Variants in SLIT3 observed in about 807,000 individuals in gnomAD.
SLIT3 encodes slit homolog 3 protein.
Under a neutral mutation model 184.0 loss-of-function variants are expected in SLIT3, and 68 were observed. The ratio of observed to expected loss-of-function variants is 0.37; its 90% CI spans 0.30 to 0.45. The LOEUF (loss-of-function observed/expected upper bound fraction) is 0.45, where lower values mean the gene tolerates loss of function less well. Ranked by LOEUF, SLIT3 falls within the 20% of genes least tolerant of loss-of-function variation. The pLI is 1.00. For missense variants in SLIT3, 1,707 were observed against 2,026.0 expected (o/e 0.84, Z 3.02); for synonymous variants, 831 against 828.6 (o/e 1.00, Z -0.05).
intron 14 of SLIT3, chr5:168,772,376 C>G: frequency 4.9e-6 from 1 of 204,758 alleles, no homozygotes. Flanking sequence ...CGTCTGTAGC[C>G]TCGCCTGAGC....
intron 4 of SLIT3, among the ~76,000 whole-genome samples, chr5:168,895,474 G>A (rs1487067290): frequency 1.3e-5 from 2 of 152,098 alleles, no homozygotes; most frequent in Non-Finnish European, 2.9e-5. Flanking sequence ...TGCTATCCTG[G>A]GGCCATCTGC....
intron 1 of SLIT3, among the ~76,000 whole-genome samples, chr5:169,270,015 A>C (rs571523100): frequency 6.6e-6 from 1 of 152,200 alleles, no homozygotes; most frequent in Non-Finnish European, 1.5e-5. Context: ...AGATCTCTAC[A>C]CTTTACATAA....
At chr5:168,806,316 A>T in intron 9 of SLIT3, 130 bp downstream of exon 9, 1 of 966,504 alleles carries the variant, frequency 1.0e-6, no homozygotes, top group Non-Finnish European at 1.6e-6. Flanking sequence ...GACAGCAAAG[A>T]GATTCCTGAG....
At chr5:168,669,385 C>T (rs999105898) in intron 35 of SLIT3, among the ~76,000 whole-genome samples, 2 of 152,328 alleles carry the variant, frequency 1.3e-5, no homozygotes, top group South Asian at 2.1e-4. Flanking sequence ...ACACCCAGCG[C>T]CATGGGAGTG....
chr5:169,083,668 C>A (rs1043119547), intron 4 of SLIT3, among the ~76,000 whole-genome samples: 1 of 152,184 alleles, frequency 6.6e-6, no homozygotes, highest in African/African-American at 2.4e-5. Context: ...AGACCAAACA[C>A]GGTCAGGGCT....
intron 4 of SLIT3, among the ~76,000 whole-genome samples, chr5:169,129,754 C>T (rs1402300379): frequency 1.1e-4 from 17 of 152,046 alleles, no homozygotes; most frequent in Admixed American, 1.1e-3. Flanking sequence ...AATGGGAAAA[C>T]CAGTGACACC....
chr5:168,795,439 A>C, intron 10 of SLIT3, 68 bp downstream of exon 10: 11 of 1,222,264 alleles, frequency 9.0e-6, no homozygotes, highest in Non-Finnish European at 1.2e-5. Context: ...CAGGTTGCCC[A>C]CTACACATTG....
intron 20 of SLIT3, among the ~76,000 whole-genome samples, chr5:168,734,828 C>T (rs192723486): frequency 6.6e-5 from 10 of 152,284 alleles, no homozygotes; most frequent in Middle Eastern, 3.4e-3. Flanking sequence ...GCTCAGGAAA[C>T]GTCATCTGTG....
chr5:169,221,352 A>G (rs186363701), intron 3 of SLIT3, among the ~76,000 whole-genome samples: 13 of 152,224 alleles, frequency 8.5e-5, no homozygotes, highest in Admixed American at 5.2e-4. Flanking sequence ...GTTTCTTCCC[A>G]TTCAACAGGC....
At chr5:169,266,093 C>T (rs1766388425) in intron 1 of SLIT3, among the ~76,000 whole-genome samples, 1 of 152,206 alleles carries the variant, frequency 6.6e-6, no homozygotes, top group Non-Finnish European at 1.5e-5. Context: ...AAAAGTTTCA[C>T]CTTTTATTTC....
At chr5:168,921,271 ATACTT>A (rs1366201761) in intron 4 of SLIT3, among the ~76,000 whole-genome samples, 1 of 152,152 alleles carries the variant, frequency 6.6e-6, no homozygotes, top group Non-Finnish European at 1.5e-5. Flanking sequence ...ATGTTCCTGA[ATACTT>A]TACTTCTCTC....
At chr5:168,807,747 A>C (rs1247047152) in intron 8 of SLIT3, among the ~76,000 whole-genome samples, 1 of 152,102 alleles carries the variant, frequency 6.6e-6, no homozygotes, top group Non-Finnish European at 1.5e-5. Flanking sequence ...TGCAGGGAAA[A>C]AGTGATTTTT....
chr5:169,273,339 G>A (rs1183081637), intron 1 of SLIT3, among the ~76,000 whole-genome samples: 1 of 152,210 alleles, frequency 6.6e-6, no homozygotes, highest in East Asian at 1.9e-4. Context: ...ATCTCAGAGA[G>A]AGAGATGATC....
intron 20 of SLIT3, among the ~76,000 whole-genome samples, chr5:168,726,209 CAT>C (rs1763102274): frequency 1.3e-5 from 2 of 151,686 alleles, no homozygotes; most frequent in Non-Finnish European, 2.9e-5. Context: ...AAGAGAAATG[CAT>C]TCATTCATGC....
At chr5:168,917,512 C>A (rs370303855) in intron 4 of SLIT3, among the ~76,000 whole-genome samples, 1 of 152,182 alleles carries the variant, frequency 6.6e-6, no homozygotes, top group East Asian at 1.9e-4. Flanking sequence ...GTACTCCAAA[C>A]AAGACACATC....
At chr5:169,183,294 A>C (rs1400404476) in intron 4 of SLIT3, among the ~76,000 whole-genome samples, 1 of 152,300 alleles carries the variant, frequency 6.6e-6, no homozygotes, top group African/African-American at 2.4e-5. Flanking sequence ...CACTACTTTC[A>C]TACGTAGTAA....
intron 4 of SLIT3, among the ~76,000 whole-genome samples, chr5:169,054,721 G>A (rs1024605798): frequency 3.3e-5 from 5 of 152,192 alleles, no homozygotes; most frequent in African/African-American, 7.2e-5. Flanking sequence ...CATGCGGAAC[G>A]ACGTCTGCCA....
intron 9 of SLIT3, among the ~76,000 whole-genome samples, chr5:168,801,208 C>T (rs1756755277): frequency 6.6e-6 from 1 of 152,156 alleles, no homozygotes. Context: ...TGTGACAGTC[C>T]CTTACATGGA....
chr5:168,776,217 C>A (rs1341731253), intron 12 of SLIT3, among the ~76,000 whole-genome samples: 1 of 152,158 alleles, frequency 6.6e-6, no homozygotes, highest in Non-Finnish European at 1.5e-5. Flanking sequence ...CATGCCACCT[C>A]TCCCTTAGCT....
Sources: gnomAD v4.1 joint callset for allele counts (sites outside exome capture counted in the v4.1 genomes callset) on GRCh38, gnomAD v4.1.1 for gene constraint, MANE v1.5 for transcripts, NCBI Gene and HGNC (gene_info 2026-07-23, HGNC 2026-07-21) for gene names.